The following UVRAG variants were observed in gnomAD, a reference collection of about 807,000 sequenced individuals.
The protein encoded by UVRAG is UV radiation resistance associated, also known as UV radiation resistance-associated gene protein.
In UVRAG, 19 loss-of-function variants were observed where a neutral mutation model predicts 78.0. The observed-to-expected ratio is 0.24, with a 90% CI of 0.17 to 0.36. The LOEUF is 0.36. UVRAG is among the 10% of genes least tolerant of loss of function. The pLI is 1.00. For missense variants in UVRAG, 740 were observed against 853.8 expected (o/e 0.87, Z 1.66); for synonymous variants, 323 against 324.6 (o/e 1.00, Z 0.05).
chr11:75,851,008 C>T (rs1295196682), intron 1 of UVRAG, among the ~76,000 whole-genome samples: 1 of 152,142 alleles, frequency 6.6e-6, no homozygotes, highest in Non-Finnish European at 1.5e-5. Flanking sequence ...TTTCAGCCTG[C>T]GGGAGAGCTT....
At chr11:75,822,029 C>T (rs1945402463) in intron 1 of UVRAG, among the ~76,000 whole-genome samples, 1 of 148,738 alleles carries the variant, frequency 6.7e-6, no homozygotes, top group Admixed American at 6.8e-5. Flanking sequence ...ACTGCAACCT[C>T]TACCTCTCAG....
chr11:75,950,009 C>G (rs1948660981), intron 6 of UVRAG, among the ~76,000 whole-genome samples: 1 of 152,046 alleles, frequency 6.6e-6, no homozygotes, highest in African/African-American at 2.4e-5. Flanking sequence ...ATACGGGGCA[C>G]TCTTTTGGTT....
Position 75,820,173 on chromosome 11 carries a change from T to G in UVRAG, c.117+4649T>G, listed in dbSNP as rs148664642. Reference sequence around the variant, plus strand: ...TTAAGTTTTTCATAGAGATGGGGTCTTGCTGTGTTGCCCAGGCTAGTCTCA... The same window carrying G: ...TTAAGTTTTTCATAGAGATGGGGTCGTGCTGTGTTGCCCAGGCTAGTCTCA... On this transcript the variant is annotated intron_variant, in intron 1 of 14. Transcript: ENST00000356136. Among the ~76,000 whole-genome samples the G allele has an allele frequency of 4.6e-3, 699 of 152,118 alleles. 5 individuals carry two copies. The highest frequency in any genetic ancestry group is 0.015 in the African/African-American group (639 of 41,506).
rs111883077 is a variant in UVRAG, at chr11:75,938,084, T to C, written c.594-23360T>C. On this transcript the variant is annotated intron_variant, in intron 6 of 14. Transcript: ENST00000356136. ...GTGTGTATATATATGTATATGTATA[T>C]ACACACACACACACATATATATATT... 4.1e-3 allele frequency among the ~76,000 whole-genome samples: 614 copies of C among 151,432 alleles called. 1 individual carries two copies. Among genetic ancestry groups the C allele is most frequent in the Non-Finnish European group, 7.0e-3 (472 of 67,834 alleles).
At chr11:75,931,277 C>T (rs952267357) in intron 6 of UVRAG, among the ~76,000 whole-genome samples, 3 of 151,978 alleles carry the variant, frequency 2.0e-5, no homozygotes, top group Non-Finnish European at 4.4e-5. Context: ...ATACAAATGT[C>T]ACGTTATGAC....
intron 8 of UVRAG, among the ~76,000 whole-genome samples, chr11:75,992,579 G>A (rs1475863501): frequency 6.6e-6 from 1 of 152,110 alleles, no homozygotes; most frequent in East Asian, 1.9e-4. Flanking sequence ...TCGGCACTGG[G>A]GAGTGGGAAA....
At chr11:75,834,033 C>G (rs937557877) in intron 1 of UVRAG, among the ~76,000 whole-genome samples, 2 of 152,162 alleles carry the variant, frequency 1.3e-5, no homozygotes, top group African/African-American at 2.4e-5. Context: ...GGGGCCTGTT[C>G]CCAACAGTTA....
chr11:75,848,013 T>A (rs1307924485), intron 1 of UVRAG, among the ~76,000 whole-genome samples: 1 of 140,048 alleles, frequency 7.1e-6, no homozygotes, highest in South Asian at 2.3e-4. Context: ...ACGGGCAACA[T>A]AGGGAGACTC....
At chr11:76,036,276 C>T (rs938810510) in intron 12 of UVRAG, among the ~76,000 whole-genome samples, 11 of 152,136 alleles carry the variant, frequency 7.2e-5, no homozygotes, top group Non-Finnish European at 1.5e-4. Context: ...AGGCTGGGCA[C>T]GGCAGCTCAT....
intron 1 of UVRAG, among the ~76,000 whole-genome samples, chr11:75,845,247 C>T (rs754484685): frequency 6.6e-6 from 1 of 152,178 alleles, no homozygotes; most frequent in Admixed American, 6.5e-5. Context: ...TTAAAATCCC[C>T]TATTCAGCTC....
chr11:76,056,682 T>A (rs1950990814), intron 12 of UVRAG, among the ~76,000 whole-genome samples: 1 of 152,240 alleles, frequency 6.6e-6, no homozygotes, highest in African/African-American at 2.4e-5. Flanking sequence ...GATAAAAACT[T>A]AGTTGATCAT....
intron 5 of UVRAG, among the ~76,000 whole-genome samples, chr11:75,904,783 A>C (rs1028525334): frequency 2.7e-5 from 4 of 146,350 alleles, no homozygotes; most frequent in African/African-American, 1.1e-4. Flanking sequence ...TTAACATATT[A>C]ACAGCTAACG....
At chr11:76,123,737 A>C (rs901724810) in intron 14 of UVRAG, among the ~76,000 whole-genome samples, 2 of 151,892 alleles carry the variant, frequency 1.3e-5, no homozygotes, top group Admixed American at 6.5e-5. Context: ...CTTAATTTTC[A>C]TAAGTTGTTT....
In UVRAG at chr11:75,850,611, T is replaced by A. The variant is rs184067485; in HGVS notation, c.118-1272T>A. ...TTTGAACAGAGGAGCAGGATTGTAA[T>A]CTTATAGCAAAATAGATGTGATTAT... On this transcript the variant is annotated intron_variant, in intron 1 of 14. Transcript: ENST00000356136. 1.4e-4 allele frequency among the ~76,000 whole-genome samples: 21 copies of A among 152,356 alleles called. No homozygotes were observed. In the South Asian group the frequency reaches 1.9e-3, roughly 14 times the overall value.
At chr11:76,073,598 A>G (rs922689225) in intron 13 of UVRAG, among the ~76,000 whole-genome samples, 1 of 152,220 alleles carries the variant, frequency 6.6e-6, no homozygotes, top group African/African-American at 2.4e-5. Flanking sequence ...CATTAAAAAT[A>G]TATATAACTC....
At chr11:75,971,419 G>T (rs1486378605) in intron 7 of UVRAG, among the ~76,000 whole-genome samples, 1 of 152,196 alleles carries the variant, frequency 6.6e-6, no homozygotes, top group East Asian at 1.9e-4. Context: ...GAAACTGCCA[G>T]ACTCTGCCAA....
At chr11:75,942,040 A>G (rs1293609620) in intron 6 of UVRAG, 1 of 152,196 alleles carries the variant, frequency 6.6e-6, no homozygotes, top group African/African-American at 2.4e-5. Flanking sequence ...CATTTTAAAG[A>G]GATGGGGTGC....
chr11:75,860,419 ATACTT>A (rs1429011210), intron 2 of UVRAG, among the ~76,000 whole-genome samples: 2 of 152,258 alleles, frequency 1.3e-5, no homozygotes, highest in African/African-American at 4.8e-5. Context: ...ACAGTAATAT[ATACTT>A]TAATTCAAAC....
At chr11:76,032,017 T>C (rs1455583858) in intron 12 of UVRAG, among the ~76,000 whole-genome samples, 1 of 152,196 alleles carries the variant, frequency 6.6e-6, no homozygotes, top group African/African-American at 2.4e-5. Flanking sequence ...TGTTTGAATT[T>C]TTTGGTAAGC....
Sources: gnomAD v4.1 joint callset for allele counts (sites outside exome capture counted in the v4.1 genomes callset) on GRCh38, gnomAD v4.1.1 for gene constraint, MANE v1.5 for transcripts, NCBI Gene and HGNC (gene_info 2026-07-23, HGNC 2026-07-21) for gene names.